RARRES1: variants seen among roughly 807,000 people sequenced by gnomAD.
The protein encoded by RARRES1 is retinoic acid receptor responder protein 1.
Under a neutral mutation model 30.6 loss-of-function variants are expected in RARRES1, and 34 were observed. That is an observed-to-expected ratio of 1.11 (90% CI 0.84 to 1.48). The LOEUF (loss-of-function observed/expected upper bound fraction) is 1.48, where lower values mean the gene tolerates loss of function less well. Ranked by LOEUF, RARRES1 falls within the 40% of genes most tolerant of loss-of-function variation. The pLI is 0.00. For synonymous variants in RARRES1, 153 were observed against 155.5 expected (o/e 0.98, Z 0.12); for missense variants, 373 against 386.5 (o/e 0.97, Z 0.29).
chr3:158,710,711 A>G, intron 3 of RARRES1, 27 bp downstream of exon 3: 1 of 1,547,926 alleles, frequency 6.5e-7, no homozygotes, highest in Non-Finnish European at 8.9e-7. Context: ...ATTCCTGAAT[A>G]TAGAAATTCC....
At chr3:158,721,192 G>A (rs1344449890) in intron 1 of RARRES1, among the ~76,000 whole-genome samples, 1 of 152,102 alleles carries the variant, frequency 6.6e-6, no homozygotes, top group Admixed American at 6.5e-5. Flanking sequence ...GACCAGCCTG[G>A]GGCAGTTAGC....
At chr3:158,702,140 C>T (rs543413000) in intron 4 of RARRES1, among the ~76,000 whole-genome samples, 101 of 152,244 alleles carry the variant, frequency 6.6e-4, no homozygotes, top group Non-Finnish European at 1.2e-3. Context: ...CGGGTTCAAG[C>T]GATTCTCCTA....
intron 4 of RARRES1, 37 bp from the exon 5 acceptor site, chr3:158,698,007 G>A: frequency 7.5e-7 from 1 of 1,332,528 alleles, no homozygotes; most frequent in Non-Finnish European, 1.1e-6. Context: ...AATAAATATG[G>A]TGGTATTTAG....
Position 158,732,239 on chromosome 3 carries a change from C to G in RARRES1, c.177G>C (p.Leu59=). ...PQDAGVPRRL[L]QQAARAALHF... is the part of the protein sequence containing the mutation. ...GAAGCGCCGCGCGCGCCGCCTGCTGCAGGAGCCTGCGCGGGACCCCAGCAT... is the reference window on the plus strand; with the variant it reads ...GAAGCGCCGCGCGCGCCGCCTGCTGGAGGAGCCTGCGCGGGACCCCAGCAT... The change falls in exon 1 of 6, where the codon CTG becomes CTC. Residue 59 remains leucine, a synonymous_variant. Coordinates refer to ENST00000237696, the MANE Select transcript of RARRES1 (RefSeq NM_206963.2). 7.2e-7 allele frequency: 1 copy of G among 1,390,484 alleles called. No homozygotes were observed. 86.1% of individuals were successfully genotyped at this position (1,390,484 alleles called of 1,614,324 possible). A position where few individuals can be genotyped will look rare whatever the true frequency, so the allele number is the denominator to read the frequency against.
chr3:158,715,459 G>A (rs1006618034), intron 1 of RARRES1, among the ~76,000 whole-genome samples: 2 of 152,276 alleles, frequency 1.3e-5, no homozygotes, highest in South Asian at 2.1e-4. Context: ...GGAGGTGGGT[G>A]CAAGGGCATG....
At chr3:158,712,416 A>T (rs1182907884) in intron 2 of RARRES1, among the ~76,000 whole-genome samples, 2 of 152,078 alleles carry the variant, frequency 1.3e-5, no homozygotes, top group Non-Finnish European at 2.9e-5. Flanking sequence ...AATTAAAAAT[A>T]AAAAAATTGG....
chr3:158,713,749 A>AT, intron 2 of RARRES1, 48 bp downstream of exon 2: 1 of 1,538,108 alleles, frequency 6.5e-7, no homozygotes, highest in Non-Finnish European at 8.9e-7. Flanking sequence ...ACAAAGCCAT[A>AT]TTTATAGCAG....
chr3:158,709,977 G>GGGCT (rs1304191336), intron 3 of RARRES1, among the ~76,000 whole-genome samples: 1 of 152,206 alleles, frequency 6.6e-6, no homozygotes, highest in East Asian at 1.9e-4. Flanking sequence ...ATCCCAGAGA[G>GGGCT]GGCTCATCTG....
intron 3 of RARRES1, among the ~76,000 whole-genome samples, chr3:158,707,556 G>A (rs960424762): frequency 1.3e-5 from 2 of 152,118 alleles, no homozygotes; most frequent in African/African-American, 4.8e-5. Context: ...AAGATGTAGC[G>A]ACTTTGTGAG....
rs1559871734 is a variant in RARRES1, at chr3:158,713,869, A to G, written c.277-10T>C. 1.9e-6 allele frequency: 3 copies of G among 1,611,254 alleles called. No homozygotes were observed. In the East Asian group the frequency reaches 6.7e-5, roughly 36 times the overall value. The stretch of plus-strand genomic sequence containing the variant: ...CCTCTTTTGGATTAATCTGGAACAC[A>G]GAAACTGAATCTTAGTATAGTAGAA... On this transcript the variant is annotated splice_polypyrimidine_tract_variant and intron_variant, in intron 1 of 5. Transcript: ENST00000237696.
At chr3:158,703,968 AG>A (rs1726820840) in intron 4 of RARRES1, among the ~76,000 whole-genome samples, 2 of 152,160 alleles carry the variant, frequency 1.3e-5, no homozygotes, top group Non-Finnish European at 2.9e-5. Context: ...CCCCAAATCA[AG>A]ATAATTCTCC....
rs888443520 is a variant in RARRES1 at position 158,732,240 on chromosome 3, A to T, written c.176T>A (p.Leu59Gln). Residue 59 changes from leucine (L) to glutamine (Q), a missense_variant, in exon 1 of 6, where the codon CTG (leucine) becomes CAG (glutamine). Physicochemically the swap from Leu to Gln is moderately radical, Grantham distance 113 (BLOSUM62 -2). Transcript: ENST00000237696. ...AAGCGCCGCGCGCGCCGCCTGCTGC[A>T]GGAGCCTGCGCGGGACCCCAGCATC... ...PQDAGVPRRL[L>Q]QQAARAALHF... 1 of 1,390,498 alleles carries T rather than the reference A, an allele frequency of 7.2e-7. No individual in the cohort carries two copies. The highest frequency in any genetic ancestry group is 9.2e-7 in the Non-Finnish European group (1 of 1,081,162). The allele number at this position is 1,390,498 out of a possible 1,614,324, so 86.1% of individuals were successfully genotyped here.
chr3:158,698,964 G>A (rs545918736), intron 4 of RARRES1, among the ~76,000 whole-genome samples: 3 of 152,124 alleles, frequency 2.0e-5, no homozygotes, highest in Middle Eastern at 3.4e-3. Context: ...TTATGTATGT[G>A]CTCACTTCAA....
chr3:158,704,352 G>A (rs758225799), intron 4 of RARRES1, among the ~76,000 whole-genome samples: 5 of 149,656 alleles, frequency 3.3e-5, no homozygotes, highest in East Asian at 2.0e-4. Context: ...CCAACTCTGC[G>A]TCCCGAGTAC....
chr3:158,715,150 C>T (rs955189865), intron 1 of RARRES1, among the ~76,000 whole-genome samples: 6 of 152,224 alleles, frequency 3.9e-5, no homozygotes, highest in Admixed American at 6.5e-5. Context: ...GTTTACACAA[C>T]GCACACACAC....
At chr3:158,718,726 G>A (rs1727404336) in intron 1 of RARRES1, among the ~76,000 whole-genome samples, 1 of 152,308 alleles carries the variant, frequency 6.6e-6, no homozygotes, top group Non-Finnish European at 1.5e-5. Context: ...ACCCTGTGGG[G>A]AGGTGGGGCT....
At chr3:158,698,695 G>A (rs73156490) in intron 4 of RARRES1, among the ~76,000 whole-genome samples, 23,638 of 149,254 alleles carry the variant, frequency 0.16, 1,929 homozygotes, top group South Asian at 0.22. Context: ...TTTTGCAAGA[G>A]TGCTTATCTG....
intron 3 of RARRES1, among the ~76,000 whole-genome samples, chr3:158,708,031 G>A (rs2108135934): frequency 6.6e-6 from 1 of 152,274 alleles, no homozygotes; most frequent in African/African-American, 2.4e-5. Flanking sequence ...TGTTATTGTA[G>A]AAAGTATGTT....
chr3:158,719,129 T>TG (rs1192270162), intron 1 of RARRES1, among the ~76,000 whole-genome samples: 2 of 152,156 alleles, frequency 1.3e-5, no homozygotes, highest in African/African-American at 2.4e-5. Context: ...AATGACCATA[T>TG]GACTGTATAA....
Sources: allele counts gnomAD v4.1 joint callset (sites outside exome capture counted in the v4.1 genomes callset), GRCh38; gene constraint gnomAD v4.1.1; transcripts MANE v1.5; gene names NCBI Gene and HGNC (gene_info 2026-07-23, HGNC 2026-07-21).